Variants in DPYSL2 observed in about 807,000 individuals in gnomAD.
DPYSL2 encodes the protein dihydropyrimidinase like 2, also known as dihydropyrimidinase-related protein 2.
DPYSL2 carries 13 observed loss-of-function variants against 69.9 expected under a neutral mutation model. That is an observed-to-expected ratio of 0.19 (90% CI 0.12 to 0.30). The LOEUF (loss-of-function observed/expected upper bound fraction) is 0.30. Among genes scored for constraint, DPYSL2 ranks in the 10% least tolerant of loss-of-function variants. The probability of loss-of-function intolerance (pLI) is 1.00; values close to 1 mark genes in which losing one functional copy is unlikely to be tolerated. For synonymous variants in DPYSL2, 326 were observed against 359.1 expected, an observed-to-expected ratio of 0.91 and a Z score of 1.04; for missense variants, 587 against 918.9, an observed-to-expected ratio of 0.64 and a Z score of 4.67.
At chr8:26,645,514 G>T (rs1803143179) in intron 10 of DPYSL2, among the ~76,000 whole-genome samples, 1 of 152,114 alleles carries the variant, frequency 6.6e-6, no homozygotes, top group Non-Finnish European at 1.5e-5. Context: ...TGAAAAAGTT[G>T]ATTTATAATA....
chr8:26,585,538 G>T lies in DPYSL2; in HGVS notation c.628+1555G>T, dbSNP rs1801582270. Among the ~76,000 whole-genome samples the T allele has an allele frequency of 6.6e-6, 1 of 152,200 alleles. No individual in the cohort carries two copies. Among genetic ancestry groups the T allele is most frequent in the South Asian group, 2.1e-4 (1 of 4,804 alleles). ...TACATGTTGCCCTTTAACCTAGTGG[G>T]TGCCATTTTCCAGGGATGTCGGGGG... On this transcript the variant is annotated intron_variant, in intron 3 of 13. Coordinates refer to ENST00000521913, the MANE Select transcript of DPYSL2 (RefSeq NM_001197293.3). This position sits in a 1 kb window ranked among gnomAD's most constrained non-coding sequence, Gnocchi z 4.0.
chr8:26,514,430 T>A lies in DPYSL2; in HGVS notation c.105T>A (p.Cys35Ter). 6.6e-7 allele frequency: 1 copy of A among 1,518,906 alleles called. No homozygotes were observed. Among genetic ancestry groups the A allele is most frequent in the Non-Finnish European group, 8.8e-7 (1 of 1,139,876 alleles). 94.1% of individuals were successfully genotyped at this position (1,518,906 alleles called of 1,614,324 possible). Reference sequence around the variant, plus strand: ...GCCCCAAGCCCCGGCAGAAATTCTGTGGCATGTTCTGCCCGGTGGAAGGGT... The same window carrying A: ...GCCCCAAGCCCCGGCAGAAATTCTGAGGCATGTTCTGCCCGGTGGAAGGGT... ...SGSPKPRQKF[C>*]GMFCPVEGSS... Residue 35 changes from cysteine (C) to a stop codon, truncating the protein, a stop_gained, in exon 1 of 14, where the codon TGT (cysteine) becomes TGA (stop). Coordinates refer to ENST00000521913, the MANE Select transcript of DPYSL2 (RefSeq NM_001197293.3). LOFTEE classifies it high-confidence loss of function. This position sits in a 1 kb window ranked among gnomAD's most constrained non-coding sequence, Gnocchi z 8.4.
chr8:26,603,924 T>C (rs1403970165), intron 3 of DPYSL2, among the ~76,000 whole-genome samples: 3 of 152,232 alleles, frequency 2.0e-5, no homozygotes, highest in Non-Finnish European at 4.4e-5. Context: ...TTGGCTATTG[T>C]AAATAATGCT....
At chr8:26,612,622 C>T (rs906750464) in intron 3 of DPYSL2, among the ~76,000 whole-genome samples, 22 of 152,308 alleles carry the variant, frequency 1.4e-4, no homozygotes, top group Admixed American at 3.9e-4. Context: ...GAGGCCGAGG[C>T]GGGTGGATCA....
At position 26,607,625 on chromosome 8, in the gene DPYSL2, A is replaced by G. The variant is rs538452122; in HGVS notation, c.629-16518A>G. On this transcript the variant is annotated intron_variant, in intron 3 of 13. Coordinates refer to ENST00000521913, the MANE Select transcript of DPYSL2 (RefSeq NM_001197293.3). ...GGAAGCGTAGGGAGACCCTGTCTCT[A>G]CAAAAAATTTGAAAATTACCTGGAC... 2.0e-5 allele frequency among the ~76,000 whole-genome samples: 3 copies of G among 152,034 alleles called. No individual in the cohort carries two copies. The East Asian group carries it at 5.8e-4, about 29-fold the overall frequency.
At chr8:26,561,937 T>C (rs544689645) in intron 1 of DPYSL2, among the ~76,000 whole-genome samples, 1 of 152,026 alleles carries the variant, frequency 6.6e-6, no homozygotes, top group Non-Finnish European at 1.5e-5. Flanking sequence ...AGCCCAGGGG[T>C]TGGGGACCCC....
At chr8:26,574,064 G>T (rs926875444) in intron 1 of DPYSL2, among the ~76,000 whole-genome samples, 7 of 152,266 alleles carry the variant, frequency 4.6e-5, no homozygotes, top group Admixed American at 3.9e-4. Context: ...AGGAGTCAAG[G>T]CCTGATGGAA....
At chr8:26,554,788 T>A (rs1800919312) in intron 1 of DPYSL2, among the ~76,000 whole-genome samples, 1 of 152,142 alleles carries the variant, frequency 6.6e-6, no homozygotes, top group Non-Finnish European at 1.5e-5. Flanking sequence ...AAAATTACCC[T>A]AATACCAAAA....
intron 7 of DPYSL2, among the ~76,000 whole-genome samples, chr8:26,632,629 A>G (rs1563419142): frequency 1.3e-5 from 2 of 152,168 alleles, no homozygotes; most frequent in African/African-American, 2.4e-5. Flanking sequence ...GCTTGAGCCC[A>G]GGAGTTCAAG....
chr8:26,525,787 T>C (rs1421314532), intron 1 of DPYSL2, among the ~76,000 whole-genome samples: 2 of 152,330 alleles, frequency 1.3e-5, no homozygotes, highest in East Asian at 3.9e-4. Context: ...CTTTAATATC[T>C]TTAGTTTTCG....
In DPYSL2 at chr8:26,571,497, G is replaced by A. The variant is rs4733053; in HGVS notation, c.355-10472G>A. 0.014 allele frequency among the ~76,000 whole-genome samples: 2,183 copies of A among 152,264 alleles called. 25 individuals are homozygous for A. The highest frequency in any genetic ancestry group is 0.036 in the Admixed American group (552 of 15,300). ...GATAGAAAGACCCCAGGGAACATCT[G>A]TAGCCACCCAGAGAATGAGGTGCAG... On this transcript the variant is annotated intron_variant, in intron 1 of 13. Transcript: ENST00000521913. This position sits in a 1 kb window ranked among gnomAD's most constrained non-coding sequence, Gnocchi z 6.1.
In DPYSL2 at chr8:26,556,254, ATATATAC is replaced by A. The variant is rs1800968857; in HGVS notation, c.355-25710_355-25704del. ...AGTATTTATATAATATATATAGTAT[ATATATAC>A]TATAGTATATATAGTATTTATATAA... On this transcript the variant is annotated intron_variant, in intron 1 of 13. Transcript: ENST00000521913. Among the ~76,000 whole-genome samples, 29 of 9,084 alleles carry A rather than the reference ATATATAC, an allele frequency of 3.2e-3. 1 individual carries two copies. Among genetic ancestry groups the A allele is most frequent in the Non-Finnish European group, 4.4e-3 (20 of 4,570 alleles). The allele number at this position is 9,084 out of a possible 152,430, so 6.0% of individuals were successfully genotyped here.
intron 1 of DPYSL2, chr8:26,547,795 G>A (rs1800803174): frequency 5.6e-6 from 2 of 359,170 alleles, no homozygotes; most frequent in South Asian, 5.0e-5. Flanking sequence ...GGAGGCTGAG[G>A]AATTCCCCTA....
In DPYSL2 at chr8:26,603,141, C is replaced by T. The variant is rs150507956; in HGVS notation, c.628+19158C>T. 6.8e-3 allele frequency among the ~76,000 whole-genome samples: 1,037 copies of T among 152,146 alleles called. 9 individuals are homozygous for T. Among genetic ancestry groups the T allele is most frequent in the Non-Finnish European group, 0.011 (758 of 67,964 alleles). ...AGTGACTTTTCATTTCTCGGAGCCA[C>T]AGTTTTCTTTCTTCTTTATTTATTT... On this transcript the variant is annotated intron_variant, in intron 3 of 13. Coordinates refer to ENST00000521913, the MANE Select transcript of DPYSL2 (RefSeq NM_001197293.3).
At chr8:26,595,675 T>C (rs1046714370) in intron 3 of DPYSL2, among the ~76,000 whole-genome samples, 1 of 152,230 alleles carries the variant, frequency 6.6e-6, no homozygotes, top group African/African-American at 2.4e-5. Flanking sequence ...TGACAAATTC[T>C]TCCCCAGTGG....
chr8:26,575,538 A>C (rs185580802), intron 1 of DPYSL2, among the ~76,000 whole-genome samples: 184 of 152,320 alleles, frequency 1.2e-3, no homozygotes, highest in Middle Eastern at 6.8e-3. Flanking sequence ...CTTAGGCTCT[A>C]GTCAGAACAG....
At chr8:26,600,820 C>T (rs1360695658) in intron 3 of DPYSL2, among the ~76,000 whole-genome samples, 1 of 152,226 alleles carries the variant, frequency 6.6e-6, no homozygotes, top group Non-Finnish European at 1.5e-5. Flanking sequence ...CCTGGCACCG[C>T]TCCTCGAGAT....
chr8:26,559,623 T>C (rs1440498146), intron 1 of DPYSL2, among the ~76,000 whole-genome samples: 5 of 152,350 alleles, frequency 3.3e-5, no homozygotes, highest in African/African-American at 1.2e-4. Flanking sequence ...TTCTTAGTTC[T>C]TTAAGTAATT....
chr8:26,575,893 C>T (rs1333359297), intron 1 of DPYSL2, among the ~76,000 whole-genome samples: 1 of 152,152 alleles, frequency 6.6e-6, no homozygotes. Context: ...TCTCCACTGC[C>T]CTGTCCTCCG....
Sources: gnomAD v4.1 joint callset for allele counts (sites outside exome capture counted in the v4.1 genomes callset) on GRCh38, gnomAD v4.1.1 for gene constraint, Gnocchi (gnomAD v3.1) non-coding constraint, MANE v1.5 for transcripts, NCBI Gene and HGNC (gene_info 2026-07-23, HGNC 2026-07-21) for gene names.